The following SLC27A6 variants were observed in gnomAD, a reference collection of about 807,000 sequenced individuals.
SLC27A6 encodes solute carrier family 27 member 6.
Under a neutral mutation model 63.9 loss-of-function variants are expected in SLC27A6, and 74 were observed. The ratio of observed to expected loss-of-function variants is 1.16; its 90% confidence interval spans 0.96 to 1.40. The LOEUF (loss-of-function observed/expected upper bound fraction) is 1.40. Ranked by LOEUF, SLC27A6 falls within the 40% of genes most tolerant of loss-of-function variation. The pLI is 0.00. For missense variants in SLC27A6, 794 were observed against 732.9 expected, an observed-to-expected ratio of 1.08 and a Z score of -0.96; for synonymous variants, 287 against 260.8, an observed-to-expected ratio of 1.10 and a Z score of -0.97.
intron 2 of SLC27A6, 107 bp from the exon 3 acceptor site, chr5:128,988,493 G>A: frequency 1.2e-6 from 1 of 826,720 alleles, no homozygotes; most frequent in Non-Finnish European, 1.9e-6. Flanking sequence ...GTTGTTATCA[G>A]TATCATCTTC....
intron 6 of SLC27A6, among the ~76,000 whole-genome samples, chr5:129,025,410 TCA>T (rs1254040749): frequency 3.9e-5 from 6 of 151,954 alleles, no homozygotes; most frequent in African/African-American, 1.5e-4. Context: ...ACAGAATATA[TCA>T]CAGAGGTAAG....
intron 9 of SLC27A6, among the ~76,000 whole-genome samples, 168 bp downstream of exon 9, chr5:129,029,875 G>A (rs549885061): frequency 6.6e-6 from 1 of 152,020 alleles, no homozygotes; most frequent in African/African-American, 2.4e-5. Flanking sequence ...TTATAAAGGG[G>A]GCATGGTGAA....
intron 1 of SLC27A6, among the ~76,000 whole-genome samples, chr5:128,967,384 A>G (rs1055981582): frequency 1.3e-5 from 2 of 152,176 alleles, no homozygotes; most frequent in Admixed American, 1.3e-4. Flanking sequence ...GAAAAATGAT[A>G]CTTATTTGGT....
intron 4 of SLC27A6, among the ~76,000 whole-genome samples, chr5:129,005,613 T>A (rs1022264052): frequency 7.2e-6 from 1 of 139,032 alleles, no homozygotes; most frequent in African/African-American, 2.7e-5. Flanking sequence ...GTTGTATTTT[T>A]TTTTTTTTTT....
Position 128,966,556 on chromosome 5 carries a change from G to C in SLC27A6, c.419G>C (p.Arg140Pro), listed in dbSNP as rs772325907. Residue 140 changes from arginine to proline, a missense_variant, in exon 1 of 10, where the codon CGC becomes CCC. Transcript: ENST00000262462. ...CVVAFLNTNI[R>P]SNSLLNCIRA... ...GTGGCCTTTCTCAACACCAACATTC[G>C]CTCCAACTCCCTCCTGAATTGCATC... The C allele has an allele frequency of 6.4e-7, 1 of 1,572,150 alleles. No individual in the cohort carries two copies. The highest frequency in any genetic ancestry group is 1.2e-5 in the South Asian group (1 of 82,554).
chr5:129,021,936 C>T (rs923493504), intron 5 of SLC27A6, among the ~76,000 whole-genome samples: 1 of 152,112 alleles, frequency 6.6e-6, no homozygotes, highest in African/African-American at 2.4e-5. Flanking sequence ...AAAGAAATAA[C>T]ACTAAAGCTG....
chr5:129,028,439 T>A lies in SLC27A6; in HGVS notation c.1549T>A (p.Ser517Thr). Residue 517 changes from serine to threonine, a missense_variant, in exon 8 of 10, where the codon TCA becomes ACA. Physicochemically the swap from Ser to Thr is moderately conservative, Grantham distance 58. Transcript: ENST00000262462. ...QEANVYGVAI[S>T]GYEGRAGMAS... Reference sequence around the variant, plus strand: ...AGCAAACGTCTATGGTGTGGCTATATCAGGTATAAATATATTTCAGATTTT... The same window carrying A: ...AGCAAACGTCTATGGTGTGGCTATAACAGGTATAAATATATTTCAGATTTT... The A allele has an allele frequency of 6.4e-7, 1 of 1,571,400 alleles. No homozygotes were observed.
intron 3 of SLC27A6, 56 bp downstream of exon 3, chr5:128,988,814 GTATT>G: frequency 7.3e-7 from 1 of 1,369,320 alleles, no homozygotes; most frequent in African/African-American, 1.5e-5. Flanking sequence ...ATTAGAACAA[GTATT>G]TATTAACATT....
intron 3 of SLC27A6, among the ~76,000 whole-genome samples, 196 bp from the exon 4 acceptor site, chr5:128,990,144 T>C (rs977621004): frequency 5.3e-5 from 8 of 152,236 alleles, no homozygotes; most frequent in African/African-American, 1.9e-4. Context: ...AAATTTAGAA[T>C]TACAATATTT....
At chr5:129,015,789 A>T in intron 4 of SLC27A6, 96 bp from the exon 5 acceptor site, 1 of 824,282 alleles carries the variant, frequency 1.2e-6, no homozygotes, top group Non-Finnish European at 1.9e-6. Context: ...TATTGCACAT[A>T]TGCAGTTTAC....
rs561112280 is a variant in SLC27A6, at chr5:129,020,458, T to G, written c.1165-3162T>G. Among the ~76,000 whole-genome samples the G allele has an allele frequency of 7.9e-5, 12 of 151,872 alleles. No homozygotes were observed. In the East Asian group the frequency reaches 2.4e-3, roughly 30 times the overall value. On this transcript the variant is annotated intron_variant, in intron 5 of 9. Transcript: ENST00000262462. ...TTATACATGGAATAAAACCTGACAA[T>G]GTAAAAATAATTATAACACTAACAA...
At chr5:128,969,238 G>A (rs931376110) in intron 1 of SLC27A6, among the ~76,000 whole-genome samples, 2 of 152,136 alleles carry the variant, frequency 1.3e-5, no homozygotes, top group Non-Finnish European at 2.9e-5. Context: ...GATTGTCTTG[G>A]CAATGCAGGC....
intron 1 of SLC27A6, among the ~76,000 whole-genome samples, chr5:128,980,345 G>A (rs1333569881): frequency 2.0e-5 from 3 of 152,210 alleles, no homozygotes; most frequent in Non-Finnish European, 2.9e-5. Context: ...CAAAAGAGGA[G>A]AGGGAGACTC....
At chr5:128,983,289 G>T (rs958089896) in intron 1 of SLC27A6, among the ~76,000 whole-genome samples, 4 of 111,102 alleles carry the variant, frequency 3.6e-5, no homozygotes, top group African/African-American at 6.9e-5. Context: ...TCTGATCCGG[G>T]TTTTTTTTTT....
At chr5:129,020,121 CA>C (rs1052951849) in intron 5 of SLC27A6, among the ~76,000 whole-genome samples, 3 of 152,018 alleles carry the variant, frequency 2.0e-5, no homozygotes, top group African/African-American at 7.2e-5. Context: ...CAGGCATTCT[CA>C]AAATAAAACA....
intron 4 of SLC27A6, among the ~76,000 whole-genome samples, chr5:128,991,643 C>T (rs1483908464): frequency 6.6e-6 from 1 of 152,016 alleles, no homozygotes; most frequent in Non-Finnish European, 1.5e-5. Context: ...TGACCACTGA[C>T]ACTGATTATA....
chr5:128,969,195 C>T (rs191161293), intron 1 of SLC27A6, among the ~76,000 whole-genome samples: 36 of 152,262 alleles, frequency 2.4e-4, no homozygotes, highest in African/African-American at 7.9e-4. Flanking sequence ...AGTCAGGTAT[C>T]GTGATGCCTC....
At chr5:129,029,523 C>CTTTTAAAGTTTA in intron 8 of SLC27A6, 54 bp from the exon 9 acceptor site, 1 of 1,255,600 alleles carries the variant, frequency 8.0e-7, no homozygotes, top group Non-Finnish European at 1.1e-6. Context: ...ACAGAATTAT[C>CTTTTAAAGTTTA]TTTTAAAGTT....
chr5:129,013,102 T>G (rs1242954734), intron 4 of SLC27A6, among the ~76,000 whole-genome samples: 1 of 152,008 alleles, frequency 6.6e-6, no homozygotes, highest in African/African-American at 2.4e-5. Context: ...ATATTTGTTT[T>G]ATTTATTTAA....
Sources: allele counts gnomAD v4.1 joint callset (sites outside exome capture counted in the v4.1 genomes callset), GRCh38; gene constraint gnomAD v4.1.1; transcripts MANE v1.5; gene names NCBI Gene and HGNC (gene_info 2026-07-23, HGNC 2026-07-21).